The following IGSF5 variants were observed in gnomAD, a reference collection of about 807,000 sequenced individuals.
IGSF5 encodes immunoglobulin superfamily 5 like.
IGSF5 carries 41 observed loss-of-function variants against 39.4 expected under a neutral mutation model. The ratio of observed to expected loss-of-function variants is 1.04; its 90% CI spans 0.81 to 1.35. The LOEUF (loss-of-function observed/expected upper bound fraction) is 1.35, where lower values mean the gene tolerates loss of function less well. IGSF5 is among the 40% of genes most tolerant of loss of function. The probability of loss-of-function intolerance (pLI) is 0.00; values close to 1 mark genes in which losing one functional copy is unlikely to be tolerated. For missense variants in IGSF5, 487 were observed against 494.6 expected, an observed-to-expected ratio of 0.98 and a Z score of 0.15; for synonymous variants, 183 against 175.3, an observed-to-expected ratio of 1.04 and a Z score of -0.34.
Position 39,781,299 on chromosome 21 carries a change from A to G in IGSF5, c.934+1994A>G, listed in dbSNP as rs570059247. On this transcript the variant is annotated intron_variant, in intron 5 of 8. Coordinates refer to ENST00000380588, the MANE Select transcript of IGSF5 (RefSeq NM_001080444.2). ...CCTGGAAATCAATCCATGTCAGTTC[A>G]TTGAGATTTCCTTCCTTTCTTATTA... is the stretch of plus-strand genomic sequence containing the variant. Among the ~76,000 whole-genome samples, 7 of 152,268 alleles carry G rather than the reference A, an allele frequency of 4.6e-5. No homozygotes were observed. The East Asian group carries it at 1.2e-3, about 25-fold the overall frequency.
rs569492237 is a variant in IGSF5, at chr21:39,791,993, A to G, written c.957-15A>G. ...TGCCAACAATTAACATGAACATAAA[A>G]TGGTCTAATTGTAGGAAATCTGAAA... On this transcript the variant is annotated splice_polypyrimidine_tract_variant and intron_variant, in intron 6 of 8. Coordinates refer to ENST00000380588, the MANE Select transcript of IGSF5 (RefSeq NM_001080444.2). The G allele has an allele frequency of 9.0e-6, 14 of 1,552,672 alleles. No individual in the cohort carries two copies. In the African/African-American group the frequency reaches 1.9e-4, roughly 21 times the overall value.
intron 2 of IGSF5, among the ~76,000 whole-genome samples, chr21:39,761,660 G>C (rs1314464768): frequency 6.6e-6 from 1 of 152,124 alleles, no homozygotes; most frequent in Non-Finnish European, 1.5e-5. Context: ...AGGAGAAAGG[G>C]AATCTTTCCT....
chr21:39,765,494 A>G (rs1029946765), intron 2 of IGSF5, 41 bp from the exon 3 acceptor site: 2 of 1,559,288 alleles, frequency 1.3e-6, no homozygotes, highest in Non-Finnish European at 1.8e-6. Context: ...ATTTATGGAG[A>G]TCCATTCATT....
intron 5 of IGSF5, among the ~76,000 whole-genome samples, chr21:39,782,195 C>G (rs1836881862): frequency 6.6e-6 from 1 of 152,112 alleles, no homozygotes; most frequent in Non-Finnish European, 1.5e-5. Flanking sequence ...GTCCGTTTGC[C>G]TATTCATGCA....
At chr21:39,793,190 A>G (rs549454508) in intron 7 of IGSF5, among the ~76,000 whole-genome samples, 5 of 152,324 alleles carry the variant, frequency 3.3e-5, no homozygotes, top group Admixed American at 3.3e-4. Flanking sequence ...CTTGACAAAA[A>G]TCATGGCCCA....
the IGSF5 span, among the ~76,000 whole-genome samples, chr21:39,737,551 A>C: frequency 3.9e-4 from 59 of 152,212 alleles, no homozygotes; most frequent in Admixed American, 3.5e-3. Context: ...CATTTGCTAG[A>C]ATGACTCTCA....
intron 2 of IGSF5, among the ~76,000 whole-genome samples, chr21:39,758,287 C>T (rs561651579): frequency 7.2e-5 from 11 of 152,180 alleles, no homozygotes; most frequent in Admixed American, 2.0e-4. Flanking sequence ...TTCTGTGGGG[C>T]CCATTTCCTC....
In IGSF5 at chr21:39,747,085, A is replaced by G. The variant is rs977345796; in HGVS notation, c.100+787A>G. ...GTGGATAACACAACTAACCTGGTGA[A>G]TTAGTCTGTTTTCACGCTGCTGAAG... On this transcript the variant is annotated intron_variant, in intron 2 of 8. Coordinates refer to ENST00000380588, the MANE Select transcript of IGSF5 (RefSeq NM_001080444.2). 1.1e-4 allele frequency among the ~76,000 whole-genome samples: 16 copies of G among 152,200 alleles called. 1 individual carries two copies. The highest frequency in any genetic ancestry group is 1.0e-3 in the Admixed American group (16 of 15,288).
intron 4 of IGSF5, among the ~76,000 whole-genome samples, chr21:39,775,096 C>A (rs571710437): frequency 6.6e-6 from 1 of 152,204 alleles, no homozygotes; most frequent in African/African-American, 2.4e-5. Flanking sequence ...AAAAAAGTTC[C>A]CAAGTTACTC....
At chr21:39,764,817 C>T (rs2837186) in intron 2 of IGSF5, among the ~76,000 whole-genome samples, 100,324 of 152,106 alleles carry the variant, frequency 0.66, 34,329 homozygotes, top group Admixed American at 0.76. Flanking sequence ...GGAGAAGCCA[C>T]GGTATGTGGT....
chr21:39,776,878 C>A (rs1601134365), intron 4 of IGSF5, among the ~76,000 whole-genome samples: 1 of 152,242 alleles, frequency 6.6e-6, no homozygotes, highest in African/African-American at 2.4e-5. Flanking sequence ...CCAGCCAGCT[C>A]CCTTATTAAG....
the IGSF5 span, among the ~76,000 whole-genome samples, chr21:39,715,006 T>TCTTCCTTCCTTCCTTC: frequency 2.0e-5 from 3 of 151,276 alleles, no homozygotes; most frequent in African/African-American, 4.9e-5. Flanking sequence ...GGGCCAGGAC[T>TCTTCCTTCCTTCCTTC]CTTCCTTCCT....
chr21:39,715,634 G>A, the IGSF5 span, among the ~76,000 whole-genome samples: 1 of 152,194 alleles, frequency 6.6e-6, no homozygotes, highest in East Asian at 1.9e-4. Context: ...CCTAGATTCT[G>A]AGGATACGTT....
At chr21:39,758,610 C>T (rs892900619) in intron 2 of IGSF5, among the ~76,000 whole-genome samples, 3 of 152,172 alleles carry the variant, frequency 2.0e-5, no homozygotes, top group African/African-American at 4.8e-5. Flanking sequence ...TTCCTCACCA[C>T]CCCAGCGCTC....
At chr21:39,739,063 A>G in the IGSF5 span, among the ~76,000 whole-genome samples, 4 of 151,646 alleles carry the variant, frequency 2.6e-5, no homozygotes, top group Non-Finnish European at 5.9e-5. Context: ...TAATTTTTGT[A>G]TTTTTTGTGG....
chr21:39,764,948 G>A (rs1229339130), intron 2 of IGSF5, among the ~76,000 whole-genome samples: 2 of 152,210 alleles, frequency 1.3e-5, no homozygotes, highest in Admixed American at 6.5e-5. Context: ...CAAATCCTGG[G>A]ATGTTGCCAG....
At chr21:39,767,957 C>G (rs2080094882) in intron 3 of IGSF5, among the ~76,000 whole-genome samples, 1 of 152,224 alleles carries the variant, frequency 6.6e-6, no homozygotes, top group Non-Finnish European at 1.5e-5. Flanking sequence ...GGATCACAGG[C>G]ATGGCTTATT....
the IGSF5 span, among the ~76,000 whole-genome samples, chr21:39,724,531 C>T: frequency 2.4e-4 from 36 of 152,252 alleles, no homozygotes; most frequent in African/African-American, 7.2e-4. Flanking sequence ...GAGGAGTTCC[C>T]CTGCACAAGC....
intron 2 of IGSF5, among the ~76,000 whole-genome samples, chr21:39,755,587 A>T (rs1265268121): frequency 4.2e-5 from 1 of 23,694 alleles, no homozygotes; most frequent in Admixed American, 6.3e-4. Flanking sequence ...ACTCCATCTC[A>T]AAAAAAAAAA....
Sources: gnomAD v4.1 joint callset for allele counts (sites outside exome capture counted in the v4.1 genomes callset) on GRCh38, gnomAD v4.1.1 for gene constraint, MANE v1.5 for transcripts, NCBI Gene and HGNC (gene_info 2026-07-23, HGNC 2026-07-21) for gene names.